The following PCDHA7 variants were observed in gnomAD, a reference collection of about 807,000 sequenced individuals.
PCDHA7 encodes the protein protocadherin alpha 7, also known as protocadherin alpha-7.
Under a neutral mutation model 57.2 loss-of-function variants are expected in PCDHA7, and 37 were observed. That is an observed-to-expected ratio of 0.65 (90% CI 0.50 to 0.85). PCDHA7 has a LOEUF of 0.85. Ranked by LOEUF, PCDHA7 falls within the 40% of genes least tolerant of loss-of-function variation. PCDHA7 has a pLI of 0.00. For synonymous variants in PCDHA7, 553 were observed against 558.8 expected, an observed-to-expected ratio of 0.99 and a Z score of 0.15; for missense variants, 1,188 against 1,241.8, an observed-to-expected ratio of 0.96 and a Z score of 0.65.
chr5:140,850,512 G>A lies in PCDHA7; in HGVS notation c.2355+13774G>A, dbSNP rs17844334. 2.6e-5 allele frequency: 41 copies of A among 1,598,146 alleles called. 4 individuals carry two copies. The highest frequency in any genetic ancestry group is 5.1e-5 in the Admixed American group (3 of 59,282). On this transcript the variant is annotated intron_variant, in intron 1 of 3. Coordinates refer to ENST00000525929, the MANE Select transcript of PCDHA7 (RefSeq NM_018910.3). Reference sequence around the variant, plus strand: ...TGTGCTGGTGTCGCTGGTGGAGAGCGGCCAGGCGCCAAAGTCATCGTCGCG... The same window carrying A: ...TGTGCTGGTGTCGCTGGTGGAGAGCAGCCAGGCGCCAAAGTCATCGTCGCG...
chr5:140,877,323 C>T (rs782217893), intron 1 of PCDHA7: 2 of 1,613,988 alleles, frequency 1.2e-6, no homozygotes, highest in East Asian at 2.2e-5. Context: ...CGGCGGTCGG[C>T]GCGCACATCC....
rs532781317 is a variant in PCDHA7, at chr5:140,854,917, G to A, written c.2355+18179G>A. 4.6e-4 allele frequency among the ~76,000 whole-genome samples: 69 copies of A among 149,868 alleles called. 3 individuals are homozygous for A. Among genetic ancestry groups the A allele is most frequent in the South Asian group, 2.8e-3 (13 of 4,714 alleles). ...AAGCGTAAATATAACAGGGTTGAAA[G>A]CATTTGCCTCTGAAAGCAGAAATAA... On this transcript the variant is annotated intron_variant, in intron 1 of 3. Transcript: ENST00000525929.
rs2150462879 is a variant in PCDHA7 at position 140,850,003 on chromosome 5, C to T, written c.2355+13265C>T. On this transcript the variant is annotated intron_variant, in intron 1 of 3. Coordinates refer to ENST00000525929, the MANE Select transcript of PCDHA7 (RefSeq NM_018910.3). ...GTGGAGCGGCGGTTGGGCGAGCGCTCGCTGTCGAGCTACGTGTCAGTGCAC... is the reference window on the plus strand; with the variant it reads ...GTGGAGCGGCGGTTGGGCGAGCGCTTGCTGTCGAGCTACGTGTCAGTGCAC... 1.5e-5 allele frequency: 24 copies of T among 1,596,910 alleles called. No homozygotes were observed. The East Asian group carries it at 5.1e-4, about 34-fold the overall frequency.
At chr5:140,883,470 A>T in intron 1 of PCDHA7, 3 of 1,614,126 alleles carry the variant, frequency 1.9e-6, no homozygotes, top group Non-Finnish European at 1.7e-6. Context: ...GTGTCCACCT[A>T]CAAGAACTAC....
At chr5:140,965,343 T>C (rs1460433512) in intron 1 of PCDHA7, among the ~76,000 whole-genome samples, 1 of 152,154 alleles carries the variant, frequency 6.6e-6, no homozygotes, top group Admixed American at 6.5e-5. Flanking sequence ...TGTCTCTGTG[T>C]TGCCTCTATA....
Position 140,850,285 on chromosome 5 carries a change from T to C in PCDHA7, c.2355+13547T>C. 3.8e-6 allele frequency: 6 copies of C among 1,595,604 alleles called. 1 individual carries two copies. The highest frequency in any genetic ancestry group is 4.5e-5 in the East Asian group (2 of 44,810). On this transcript the variant is annotated intron_variant, in intron 1 of 3. Coordinates refer to ENST00000525929, the MANE Select transcript of PCDHA7 (RefSeq NM_018910.3). ...GTAGTGGTGGGGAAGGTGCGCGCAG[T>C]GGACGCCGACTCGGGCTACAACGCG...
At chr5:140,893,380 C>A (rs1554185596) in intron 1 of PCDHA7, among the ~76,000 whole-genome samples, 1 of 152,130 alleles carries the variant, frequency 6.6e-6, no homozygotes, top group African/African-American at 2.4e-5. Context: ...ATTTATGGGA[C>A]AGTGGCTCAT....
chr5:140,951,493 A>C (rs1554219918), intron 1 of PCDHA7, among the ~76,000 whole-genome samples: 1 of 152,022 alleles, frequency 6.6e-6, no homozygotes, highest in Non-Finnish European at 1.5e-5. Context: ...TCATGGTGGA[A>C]GGCAAAAGGA....
intron 1 of PCDHA7, chr5:140,842,516 T>C (rs2150337808): frequency 1.2e-6 from 2 of 1,613,620 alleles, no homozygotes; most frequent in East Asian, 2.2e-5. Flanking sequence ...CAAGCTGGTG[T>C]CCACCTTCAA....
Position 140,843,346 on chromosome 5 carries a change from TC to T in PCDHA7, c.2355+6610del, listed in dbSNP as rs1554139985. 10 of 1,595,966 alleles carry T rather than the reference TC, an allele frequency of 6.3e-6. 1 individual carries two copies. In the Middle Eastern group the frequency reaches 5.0e-4, roughly 80 times the overall value. On this transcript the variant is annotated intron_variant, in intron 1 of 3. Coordinates refer to ENST00000525929, the MANE Select transcript of PCDHA7 (RefSeq NM_018910.3). ...TGTCGCTGGTGGAGAGCGGCCAGGC[TC>T]CAAAAGCGTCATCGAGGCAGTCGGC... is the stretch of plus-strand genomic sequence containing the variant.
intron 1 of PCDHA7, chr5:140,843,236 G>A (rs1778700503): frequency 6.3e-7 from 1 of 1,595,846 alleles, no homozygotes; most frequent in Non-Finnish European, 8.6e-7. Flanking sequence ...TGTCCTGGAC[G>A]AAGCGGACTC....
intron 1 of PCDHA7, among the ~76,000 whole-genome samples, chr5:140,923,593 A>G (rs2081438423): frequency 6.6e-6 from 1 of 152,246 alleles, no homozygotes. Flanking sequence ...TTGTTAATTC[A>G]TAATTTTAAT....
intron 1 of PCDHA7, among the ~76,000 whole-genome samples, chr5:140,878,538 C>T (rs1001402199): frequency 3.9e-5 from 6 of 152,088 alleles, no homozygotes; most frequent in Non-Finnish European, 7.4e-5. Context: ...TGGCTCAAAC[C>T]AGTTTCAGAT....
At chr5:140,877,067 A>C in intron 1 of PCDHA7, 4 of 1,613,082 alleles carry the variant, frequency 2.5e-6, no homozygotes, top group Non-Finnish European at 3.4e-6. Context: ...GAGCTGCTGC[A>C]GTTCCAGGTG....
At position 140,843,162 on chromosome 5, in the gene PCDHA7, C is replaced by G; in HGVS notation, c.2355+6424C>G. 1.9e-6 allele frequency: 3 copies of G among 1,596,122 alleles called. 1 individual carries two copies. The highest frequency in any genetic ancestry group is 2.6e-6 in the Non-Finnish European group (3 of 1,165,610). ...TGGCTTTCGTATGAGCTGCAGCCAG[C>G]TGCAAGCAGCCCTCGCATCCCGTTC... On this transcript the variant is annotated intron_variant, in intron 1 of 3. Coordinates refer to ENST00000525929, the MANE Select transcript of PCDHA7 (RefSeq NM_018910.3).
At chr5:140,842,107 C>CA (rs1468350486) in intron 1 of PCDHA7, 1 of 1,613,738 alleles carries the variant, frequency 6.2e-7, no homozygotes, top group Non-Finnish European at 8.5e-7. Context: ...CAACAGTTAT[C>CA]AAACTGAATG....
intron 1 of PCDHA7, chr5:140,853,318 A>C (rs2042706802): frequency 1.2e-5 from 12 of 984,648 alleles, no homozygotes; most frequent in Non-Finnish European, 1.5e-5. Context: ...CTTAGTAATA[A>C]ATTTATCTTT....
intron 1 of PCDHA7, among the ~76,000 whole-genome samples, chr5:140,950,241 G>T (rs191139851): frequency 2.0e-5 from 3 of 152,014 alleles, no homozygotes; most frequent in African/African-American, 4.8e-5. Flanking sequence ...CCATTAATTT[G>T]TTCCTAAAGA....
At chr5:140,918,816 A>C (rs1178287306) in intron 1 of PCDHA7, among the ~76,000 whole-genome samples, 1 of 62,452 alleles carries the variant, frequency 1.6e-5, no homozygotes, top group Admixed American at 1.3e-4. Context: ...ATGAACCAAA[A>C]AGTGGCCCCC....
Sources: gnomAD v4.1 joint callset for allele counts (sites outside exome capture counted in the v4.1 genomes callset) on GRCh38, gnomAD v4.1.1 for gene constraint, MANE v1.5 for transcripts, NCBI Gene and HGNC (gene_info 2026-07-23, HGNC 2026-07-21) for gene names.